Variants in PCDH15 observed in about 807,000 individuals in gnomAD.
PCDH15 encodes protocadherin related 15.
A neutral mutation model predicts 178.5 loss-of-function variants in PCDH15; 129 were observed. That is an observed-to-expected ratio of 0.72 (90% CI 0.63 to 0.84). PCDH15 has a LOEUF of 0.84. Ranked by LOEUF, PCDH15 falls within the 40% of genes least tolerant of loss-of-function variation. The probability of loss-of-function intolerance (pLI) is 0.00; values close to 1 mark genes in which losing one functional copy is unlikely to be tolerated. For synonymous variants in PCDH15, 800 were observed against 732.0 expected (o/e 1.09, Z -1.50); for missense variants, 2,230 against 2,099.9 (o/e 1.06, Z -1.21).
At position 53,995,753 on chromosome 10, in the gene PCDH15, A is replaced by C. The variant is rs2091808213; in HGVS notation, c.2764T>G (p.Tyr922Asp). ...ATTCGTTTACTAAAGACAGGAGGAT[A>C]ATCATTCATATCCTGTAAAACACAA... ...VTVIVKDMND[Y>D]PPVFSKRIYK... Residue 922 changes from tyrosine (Y) to aspartate (D), a missense_variant, in exon 21 of 38, where the codon TAT becomes GAT. By Grantham distance (160) the Tyr-to-Asp change is radical. Transcript: ENST00000644397. The C allele has an allele frequency of 6.2e-7, 1 of 1,613,610 alleles. No individual in the cohort carries two copies. Among genetic ancestry groups the C allele is most frequent in the African/African-American group, 1.3e-5 (1 of 74,922 alleles).
chr10:55,198,140 A>G (rs185238984), intron 1 of PCDH15, among the ~76,000 whole-genome samples: 3 of 152,232 alleles, frequency 2.0e-5, no homozygotes, highest in Admixed American at 2.0e-4. Flanking sequence ...TGCAAGTAAT[A>G]TGTTCTTCTT....
At chr10:55,155,189 T>C (rs996092352) in intron 2 of PCDH15, among the ~76,000 whole-genome samples, 1 of 152,110 alleles carries the variant, frequency 6.6e-6, no homozygotes, top group Non-Finnish European at 1.5e-5. Flanking sequence ...AAGTGAGACA[T>C]TACAGAATAT....
chr10:54,564,285 G>A (rs2088670300), intron 2 of PCDH15, among the ~76,000 whole-genome samples: 1 of 152,174 alleles, frequency 6.6e-6, no homozygotes, highest in African/African-American at 2.4e-5. Context: ...GAACTAGGAT[G>A]TCTAATTTAA....
At chr10:53,921,960 T>G (rs1157338241) in intron 25 of PCDH15, among the ~76,000 whole-genome samples, 1 of 152,188 alleles carries the variant, frequency 6.6e-6, no homozygotes, top group Non-Finnish European at 1.5e-5. Flanking sequence ...GATTTTTCAT[T>G]TTGTGTTGCA....
Position 55,483,391 on chromosome 10 carries a change from A to G in PCDH15, c.-156+144234T>C, listed in dbSNP as rs551026967. On this transcript the variant is annotated intron_variant, in intron 2 of 5. Coordinates refer to the PCDH15 transcript ENST00000613346. ...GAAAAGCTCAACATTACTGTTTATTAGAGAAACACAAATGAAAGCCACAAT... is the reference window on the plus strand; with the variant it reads ...GAAAAGCTCAACATTACTGTTTATTGGAGAAACACAAATGAAAGCCACAAT... Among the ~76,000 whole-genome samples, 335 of 151,978 alleles carry G rather than the reference A, an allele frequency of 2.2e-3. 1 individual carries two copies. The highest frequency in any genetic ancestry group is 7.7e-3 in the African/African-American group (318 of 41,518).
At chr10:53,993,738 C>T (rs192679987) in intron 21 of PCDH15, among the ~76,000 whole-genome samples, 9 of 152,108 alleles carry the variant, frequency 5.9e-5, no homozygotes, top group African/African-American at 2.2e-4. Flanking sequence ...GTAGGTGCAA[C>T]CAAATTGCAA....
chr10:54,119,384 A>C (rs1012666974), intron 15 of PCDH15, among the ~76,000 whole-genome samples: 3 of 152,168 alleles, frequency 2.0e-5, no homozygotes, highest in Non-Finnish European at 4.4e-5. Context: ...GATCTATCAG[A>C]TAAAAGAATT....
At chr10:55,228,115 A>G (rs968580970) in intron 1 of PCDH15, among the ~76,000 whole-genome samples, 2 of 152,104 alleles carry the variant, frequency 1.3e-5, no homozygotes, top group African/African-American at 4.8e-5. Flanking sequence ...ATCTGTTGAA[A>G]TATAGCTTGC....
At chr10:54,093,988 A>G (rs1354243833) in intron 15 of PCDH15, among the ~76,000 whole-genome samples, 2 of 152,144 alleles carry the variant, frequency 1.3e-5, no homozygotes, top group Non-Finnish European at 2.9e-5. Context: ...TCCCTTCTTC[A>G]AAGCCTGAGA....
Position 54,366,603 on chromosome 10 carries a change from C to T in PCDH15, c.474+2517G>A, listed in dbSNP as rs181504201. Among the ~76,000 whole-genome samples the T allele has an allele frequency of 2.3e-3, 344 of 151,732 alleles. 4 individuals are homozygous for T. Among genetic ancestry groups the T allele is most frequent in the Non-Finnish European group, 5.4e-4 (37 of 67,896 alleles). Reference sequence around the variant, plus strand: ...AATAGATAATTCATAATTTATAATTCATTGGACTAAACTAAGTACTAGTAC... The same window carrying T: ...AATAGATAATTCATAATTTATAATTTATTGGACTAAACTAAGTACTAGTAC... On this transcript the variant is annotated intron_variant, in intron 5 of 37. Transcript: ENST00000644397.
intron 2 of PCDH15, among the ~76,000 whole-genome samples, chr10:54,576,488 C>G (rs765288826): frequency 1.9e-4 from 29 of 152,200 alleles, no homozygotes; most frequent in Non-Finnish European, 4.0e-4. Context: ...CACTGGTATG[C>G]TGCAGGGCAA....
chr10:54,378,050 G>A (rs1948707311), intron 4 of PCDH15, among the ~76,000 whole-genome samples: 1 of 151,856 alleles, frequency 6.6e-6, no homozygotes, highest in South Asian at 2.1e-4. Flanking sequence ...ACAGTCTGCA[G>A]ATTAGTGGGA....
intron 2 of PCDH15, among the ~76,000 whole-genome samples, chr10:55,008,657 T>C (rs752409420): frequency 6.6e-6 from 1 of 152,204 alleles, no homozygotes; most frequent in East Asian, 1.9e-4. Flanking sequence ...TAGGGCATAA[T>C]ACCCCCAGCA....
At chr10:55,346,291 A>G (rs1844751525) in intron 2 of PCDH15, among the ~76,000 whole-genome samples, 1 of 152,152 alleles carries the variant, frequency 6.6e-6, no homozygotes. Context: ...ATGTGTACAC[A>G]TTGCAATGAA....
chr10:54,265,318 TCCACAGACTCTATA>T (rs1426409293), intron 8 of PCDH15, among the ~76,000 whole-genome samples: 1 of 151,962 alleles, frequency 6.6e-6, no homozygotes, highest in African/African-American at 2.4e-5. Flanking sequence ...AAGTACATAG[TCCACAGACTCTATA>T]CCACAGACTC....
chr10:55,255,390 G>A (rs80180651), intron 1 of PCDH15, among the ~76,000 whole-genome samples: 19,805 of 152,050 alleles, frequency 0.13, 1,608 homozygotes, highest in East Asian at 0.43. Context: ...CTTTGCTATT[G>A]TGAATAGTGC....
intron 3 of PCDH15, among the ~76,000 whole-genome samples, chr10:54,420,475 G>T (rs2135800273): frequency 6.6e-6 from 1 of 152,208 alleles, no homozygotes; most frequent in Non-Finnish European, 1.5e-5. Context: ...CAAGAAAAGT[G>T]AATTGGGAGT....
chr10:54,229,695 C>T (rs1255524501), intron 9 of PCDH15, among the ~76,000 whole-genome samples: 1 of 152,154 alleles, frequency 6.6e-6, no homozygotes, highest in African/African-American at 2.4e-5. Context: ...ATGCCGTTCA[C>T]CTTCCGCCAT....
chr10:54,460,949 A>G (rs1224884245), intron 3 of PCDH15, among the ~76,000 whole-genome samples: 4 of 152,116 alleles, frequency 2.6e-5, no homozygotes, highest in African/African-American at 9.7e-5. Flanking sequence ...ATTTTTGAAT[A>G]ATACCATTTA....
Sources: gnomAD v4.1 joint callset for allele counts (sites outside exome capture counted in the v4.1 genomes callset) on GRCh38, gnomAD v4.1.1 for gene constraint, MANE v1.5 for transcripts, NCBI Gene and HGNC (gene_info 2026-07-23, HGNC 2026-07-21) for gene names.